Variants in HHLA1 observed in about 807,000 individuals in gnomAD.
HHLA1 encodes HERV-H LTR-associating protein 1.
HHLA1 carries 72 observed loss-of-function variants against 69.9 expected under a neutral mutation model. The observed-to-expected ratio is 1.03, with a 90% CI of 0.85 to 1.25. The LOEUF (loss-of-function observed/expected upper bound fraction) is 1.25, where lower values mean the gene tolerates loss of function less well. HHLA1 is among the 50% of genes most tolerant of loss of function. The pLI is 0.00. For synonymous variants in HHLA1, 252 were observed against 233.2 expected, an observed-to-expected ratio of 1.08 and a Z score of -0.73; for missense variants, 685 against 642.2, an observed-to-expected ratio of 1.07 and a Z score of -0.72.
intron 2 of HHLA1, 137 bp downstream of exon 2, chr8:132,105,050 G>A: frequency 1.5e-6 from 1 of 684,222 alleles, no homozygotes; most frequent in Non-Finnish European, 2.6e-6. Context: ...CAGAAGTAGG[G>A]AAGTTATTCT....
chr8:132,089,910 G>A (rs1002200107), intron 7 of HHLA1, among the ~76,000 whole-genome samples: 3 of 152,080 alleles, frequency 2.0e-5, no homozygotes, highest in Non-Finnish European at 4.4e-5. Context: ...TCTTTCTGGC[G>A]GCTTTTCCCC....
chr8:132,109,909 T>C (rs1824267321), intron 1 of HHLA1, among the ~76,000 whole-genome samples: 1 of 152,230 alleles, frequency 6.6e-6, no homozygotes, highest in African/African-American at 2.4e-5. Flanking sequence ...AGTGTTGCTA[T>C]GACTGATGGG....
At chr8:132,099,979 G>T in intron 4 of HHLA1, 96 bp downstream of exon 4, 5 of 868,496 alleles carry the variant, frequency 5.8e-6, no homozygotes, top group Middle Eastern at 2.2e-4. Flanking sequence ...AAGAGATGAC[G>T]TTCTCGCCAC....
At chr8:132,103,750 G>A (rs1411345846) in intron 3 of HHLA1, among the ~76,000 whole-genome samples, 15 of 152,142 alleles carry the variant, frequency 9.9e-5, no homozygotes, top group African/African-American at 3.6e-4. Context: ...GACTCCTCTT[G>A]TCCTTTCTGT....
At chr8:132,090,635 G>T (rs780503629) in intron 7 of HHLA1, among the ~76,000 whole-genome samples, 6 of 152,096 alleles carry the variant, frequency 3.9e-5, no homozygotes, top group African/African-American at 1.4e-4. Flanking sequence ...TACTATATCC[G>T]CACAGGCACA....
Position 132,065,852 on chromosome 8 carries a change from G to A in HHLA1, c.1552+34C>T, listed in dbSNP as rs1364809870. ...GACCCTTTTGTGTAATGCATTCACT[G>A]CAAAGTTACAACATAGTCAAGCTGT... is the stretch of plus-strand genomic sequence containing the variant. On this transcript the variant is annotated intron_variant, in intron 16 of 16. Transcript: ENST00000414222. 1.3e-5 allele frequency: 15 copies of A among 1,114,348 alleles called. No individual in the cohort carries two copies. The South Asian group carries it at 1.8e-4, about 14-fold the overall frequency. 69.0% of individuals were successfully genotyped at this position (1,114,348 alleles called of 1,614,324 possible). A position where few individuals can be genotyped will look rare whatever the true frequency, so the allele number is the denominator to read the frequency against.
At chr8:132,108,148 C>A (rs532589758) in intron 1 of HHLA1, among the ~76,000 whole-genome samples, 2 of 152,190 alleles carry the variant, frequency 1.3e-5, no homozygotes, top group Non-Finnish European at 2.9e-5. Context: ...TGCAGTGCAA[C>A]TTACTAAACC....
chr8:132,110,015 G>A (rs898906580), intron 1 of HHLA1, among the ~76,000 whole-genome samples: 1 of 151,846 alleles, frequency 6.6e-6, no homozygotes, highest in Admixed American at 6.6e-5. Context: ...GACGGTGAAG[G>A]CAAATGCTCC....
rs1823379654 is a variant in HHLA1, at chr8:132,063,052, C to G, written c.*943G>C. 1 of 152,272 alleles carries G rather than the reference C, an allele frequency of 6.6e-6. No individual in the cohort carries two copies. The highest frequency in any genetic ancestry group is 2.1e-4 in the South Asian group (1 of 4,830). The allele number at this position is 152,272 out of a possible 1,614,324, so 9.4% of individuals were successfully genotyped here. ...GGCACTCCATACCTACTCCATACCC[C>G]CAAACATCCCCTGGACACCAAAACT... On this transcript the variant is annotated 3_prime_UTR_variant, in exon 17 of 17. Transcript: ENST00000414222.
At chr8:132,095,493 C>G in intron 7 of HHLA1, 26 bp downstream of exon 7, 1 of 1,462,724 alleles carries the variant, frequency 6.8e-7, no homozygotes, top group Non-Finnish European at 9.3e-7. Flanking sequence ...GGAAAAGCTG[C>G]AAGCCTCATG....
chr8:132,071,658 T>G (rs1823547660), intron 14 of HHLA1, among the ~76,000 whole-genome samples, 165 bp from the exon 15 acceptor site: 1 of 152,178 alleles, frequency 6.6e-6, no homozygotes, highest in Non-Finnish European at 1.5e-5. Context: ...AAAGCTACTG[T>G]AACAGTTTTA....
intron 15 of HHLA1, among the ~76,000 whole-genome samples, chr8:132,066,933 C>T (rs897531404): frequency 2.6e-5 from 4 of 152,264 alleles, no homozygotes; most frequent in East Asian, 1.9e-4. Flanking sequence ...GTATTTGAGT[C>T]AGGACCCTGC....
intron 15 of HHLA1, chr8:132,070,308 C>CTTTTTATATATATATATAAA: frequency 1.4e-6 from 1 of 701,800 alleles, no homozygotes; most frequent in Non-Finnish European, 2.6e-6. Context: ...TAATATAAAA[C>CTTTTTATATATATATATAAA]AGGTTCTGCT....
intron 14 of HHLA1, 47 bp downstream of exon 14, chr8:132,076,008 T>C: frequency 7.3e-7 from 1 of 1,370,284 alleles, no homozygotes; most frequent in Non-Finnish European, 1.0e-6. Context: ...CATGACCTTG[T>C]TCAAAATAAA....
rs1045140989 is a variant in HHLA1, at chr8:132,109,115, C to G, written c.-22+1987G>C. 3.9e-5 allele frequency among the ~76,000 whole-genome samples: 6 copies of G among 152,318 alleles called. No homozygotes were observed. The South Asian group carries it at 1.2e-3, about 32-fold the overall frequency. ...CTCCGCCTCCTGGGTTCAAGCAACT[C>G]TCTGCCTCAGCCTCCCGAGTAGCTG... On this transcript the variant is annotated intron_variant, in intron 1 of 16. Coordinates refer to ENST00000414222, the MANE Select transcript of HHLA1 (RefSeq NM_001145095.3).
chr8:132,080,785 T>C (rs1233238674), intron 10 of HHLA1: 3 of 152,284 alleles, frequency 2.0e-5, no homozygotes, highest in Non-Finnish European at 1.5e-5. Flanking sequence ...GAATGGGCGA[T>C]GTTTCTCAGG....
Position 132,070,017 on chromosome 8 carries a change from GGGGGGGGA to G in HHLA1, c.1469+1315_1469+1322del, listed in dbSNP as rs1349054081. ...GAGGAAATGTTCGTACTGACGGGGG[GGGGGGGGA>G]GGGGGATGAAAGATTACAGCTGGAA... On this transcript the variant is annotated intron_variant, in intron 15 of 16. Transcript: ENST00000414222. 32 of 40,560 alleles carry G rather than the reference GGGGGGGGA, an allele frequency of 7.9e-4. 2 individuals carry two copies. The highest frequency in any genetic ancestry group is 1.8e-3 in the African/African-American group (16 of 8,746). 2.5% of individuals were successfully genotyped at this position (40,560 alleles called of 1,614,324 possible).
At chr8:132,071,658 T>C (rs1823547660) in intron 14 of HHLA1, among the ~76,000 whole-genome samples, 165 bp from the exon 15 acceptor site, 4 of 152,178 alleles carry the variant, frequency 2.6e-5, no homozygotes, top group African/African-American at 7.2e-5. Flanking sequence ...AAAGCTACTG[T>C]AACAGTTTTA....
In HHLA1 at chr8:132,062,946, G is replaced by T. The variant is rs1823377351; in HGVS notation, c.*1049C>A. On this transcript the variant is annotated 3_prime_UTR_variant, in exon 17 of 17. Coordinates refer to ENST00000414222, the MANE Select transcript of HHLA1 (RefSeq NM_001145095.3). ...ATGTTAACAATGTGATTTATGGTGG[G>T]GCCTTAGGTCGTGCAGTATCAGCTT... 6.6e-6 allele frequency: 1 copy of T among 152,136 alleles called. No homozygotes were observed. The highest frequency in any genetic ancestry group is 1.5e-5 in the Non-Finnish European group (1 of 68,048). The allele number at this position is 152,136 out of a possible 1,614,324, so 9.4% of individuals were successfully genotyped here. A position where few individuals can be genotyped will look rare whatever the true frequency, so the allele number is the denominator to read the frequency against.
Sources: allele counts gnomAD v4.1 joint callset (sites outside exome capture counted in the v4.1 genomes callset), GRCh38; gene constraint gnomAD v4.1.1; transcripts MANE v1.5; gene names NCBI Gene and HGNC (gene_info 2026-07-23, HGNC 2026-07-21).